Variants in JAK1 observed in about 807,000 individuals in gnomAD.
JAK1 encodes the protein tyrosine-protein kinase JAK1.
A neutral mutation model predicts 136.6 loss-of-function variants in JAK1; 16 were observed. The observed-to-expected ratio is 0.12, with a 90% CI of 0.08 to 0.18. The LOEUF is 0.18. Among genes scored for constraint, JAK1 ranks in the 10% least tolerant of loss-of-function variants. JAK1 has a pLI of 1.00. For synonymous variants in JAK1, 492 were observed against 519.5 expected (o/e 0.95, Z 0.72); for missense variants, 859 against 1,450.1 (o/e 0.59, Z 6.62).
intron 12 of JAK1, among the ~76,000 whole-genome samples, chr1:64,848,802 T>C (rs948094618): frequency 6.6e-6 from 1 of 152,198 alleles, no homozygotes; most frequent in Non-Finnish European, 1.5e-5. Flanking sequence ...CACTGATACC[T>C]AGGGAATCAG....
intron 2 of JAK1, among the ~76,000 whole-genome samples, chr1:65,028,771 G>C (rs1646999378): frequency 6.6e-6 from 1 of 152,094 alleles, no homozygotes; most frequent in South Asian, 2.1e-4. Flanking sequence ...CCTCCCAATA[G>C]CACTGAGATA....
chr1:64,883,965 G>A (rs1644815563), intron 2 of JAK1, among the ~76,000 whole-genome samples: 1 of 152,110 alleles, frequency 6.6e-6, no homozygotes. Flanking sequence ...AAGCAAGCAT[G>A]GTGAGGGCAT....
intron 1 of JAK1, among the ~76,000 whole-genome samples, chr1:65,052,753 G>A (rs1569954439): frequency 1.3e-5 from 2 of 150,972 alleles, no homozygotes; most frequent in South Asian, 4.2e-4. Flanking sequence ...GGCAGAGCTT[G>A]CAGTGAGCTG....
At chr1:65,064,757 G>A (rs1338528654) in intron 1 of JAK1, among the ~76,000 whole-genome samples, 2 of 152,098 alleles carry the variant, frequency 1.3e-5, no homozygotes, top group African/African-American at 4.8e-5. Flanking sequence ...GCATCCTCAG[G>A]TTCTCTGTCT....
chr1:64,883,406 C>T lies in JAK1; in HGVS notation c.76G>A (p.Glu26Lys), dbSNP rs1644805589. 6.2e-7 allele frequency: 1 copy of T among 1,614,142 alleles called. No individual in the cohort carries two copies. Residue 26 changes from glutamate to lysine, a missense_variant, in exon 3 of 25, where the codon GAG becomes AAG. Transcript: ENST00000342505. ...GGCTCAGGGGCCTCCAGGTTCACCTCAGTCTTCTTGGAGCTCCTCATTTTA... is the reference window on the plus strand; with the variant it reads ...GGCTCAGGGGCCTCCAGGTTCACCTTAGTCTTCTTGGAGCTCCTCATTTTA... ...CAKMRSSKKT[E>K]VNLEAPEPGV...
intron 1 of JAK1, among the ~76,000 whole-genome samples, chr1:64,916,489 T>C (rs1246973431): frequency 6.6e-6 from 1 of 152,160 alleles, no homozygotes; most frequent in Non-Finnish European, 1.5e-5. Context: ...TTGATAAGCT[T>C]TGCTGTAGGT....
At chr1:64,886,571 GA>G (rs1453914022) in intron 1 of JAK1, among the ~76,000 whole-genome samples, 6 of 152,150 alleles carry the variant, frequency 3.9e-5, no homozygotes, top group Admixed American at 3.9e-4. Context: ...ACCGCATCAA[GA>G]AAGGAAGCCA....
intron 1 of JAK1, among the ~76,000 whole-genome samples, chr1:64,936,355 A>C (rs2100485768): frequency 6.6e-6 from 1 of 152,332 alleles, no homozygotes; most frequent in East Asian, 1.9e-4. Flanking sequence ...TTGGTATTTA[A>C]GATAAAAATA....
chr1:65,004,801 A>G (rs947427257), intron 2 of JAK1, among the ~76,000 whole-genome samples: 2 of 152,370 alleles, frequency 1.3e-5, no homozygotes, highest in African/African-American at 4.8e-5. Flanking sequence ...TCCAGTGATG[A>G]GCAGACCAGA....
intron 2 of JAK1, among the ~76,000 whole-genome samples, chr1:65,028,117 A>C (rs551127987): frequency 5.8e-4 from 89 of 152,196 alleles, no homozygotes; most frequent in African/African-American, 2.1e-3. Flanking sequence ...TCTTGTCTGA[A>C]ATATTTCCTT....
At chr1:64,907,235 C>CTATCTAAATA (rs2100241815) in intron 1 of JAK1, among the ~76,000 whole-genome samples, 1 of 152,224 alleles carries the variant, frequency 6.6e-6, no homozygotes, top group South Asian at 2.1e-4. Context: ...TGCATACGTT[C>CTATCTAAATA]TATCTAAATA....
intron 1 of JAK1, among the ~76,000 whole-genome samples, chr1:64,921,154 C>T (rs898294403): frequency 3.3e-5 from 5 of 152,040 alleles, no homozygotes; most frequent in African/African-American, 1.2e-4. Flanking sequence ...ATGAGATGTT[C>T]CTTTATCATT....
In JAK1 at chr1:64,845,969, C is replaced by A. The variant is rs536321622; in HGVS notation, c.1988-329G>T. 2.3e-4 allele frequency among the ~76,000 whole-genome samples: 35 copies of A among 152,368 alleles called. No individual in the cohort carries two copies. In the East Asian group the frequency reaches 6.0e-3, roughly 26 times the overall value. On this transcript the variant is annotated intron_variant, in intron 14 of 24. Transcript: ENST00000342505. Reference sequence around the variant, plus strand: ...GAACAAGGGCTCTGGGAACAACCGCCACCACTGCTGCTGTTCTACAACACA... The same window carrying A: ...GAACAAGGGCTCTGGGAACAACCGCAACCACTGCTGCTGTTCTACAACACA...
chr1:65,045,344 T>A (rs1034560018), intron 1 of JAK1, among the ~76,000 whole-genome samples: 1 of 152,072 alleles, frequency 6.6e-6, no homozygotes, highest in African/African-American at 2.4e-5. Flanking sequence ...TCTGCTTAGG[T>A]AATTTGGTCA....
chr1:64,942,989 T>C (rs1452108270), intron 1 of JAK1, among the ~76,000 whole-genome samples: 1 of 152,208 alleles, frequency 6.6e-6, no homozygotes. Flanking sequence ...CTATATTTAA[T>C]CCATGTCAAG....
At chr1:64,873,344 G>A in intron 5 of JAK1, 26 bp downstream of exon 5, 1 of 1,613,744 alleles carries the variant, frequency 6.2e-7, no homozygotes, top group African/African-American at 1.3e-5. Flanking sequence ...ACAAACTCCA[G>A]CTTCTCCTGG....
intron 2 of JAK1, among the ~76,000 whole-genome samples, chr1:64,999,649 C>G (rs929125695): frequency 2.0e-5 from 3 of 151,456 alleles, no homozygotes; most frequent in Non-Finnish European, 4.4e-5. Context: ...GCAGGAGGAT[C>G]ACTTAAGCCA....
chr1:64,968,989 A>G (rs2100664705), upstream of JAK1, among the ~76,000 whole-genome samples: 1 of 149,020 alleles, frequency 6.7e-6, no homozygotes, highest in East Asian at 2.0e-4. Flanking sequence ...ACATGCCTGT[A>G]TTTCCGACTA....
chr1:65,038,198 C>CTT (rs113538392), intron 2 of JAK1, among the ~76,000 whole-genome samples: 8,847 of 133,174 alleles, frequency 0.066, 584 homozygotes, highest in East Asian at 0.3. Context: ...TTTTTCTTTT[C>CTT]TTTTTTTTTT....
Sources: gnomAD v4.1 joint callset for allele counts (sites outside exome capture counted in the v4.1 genomes callset) on GRCh38, gnomAD v4.1.1 for gene constraint, MANE v1.5 for transcripts, NCBI Gene and HGNC (gene_info 2026-07-23, HGNC 2026-07-21) for gene names.